FMNL2: variants seen among roughly 807,000 people sequenced by gnomAD.
FMNL2 encodes formin-like protein 2.
Under a neutral mutation model 130.2 loss-of-function variants are expected in FMNL2, and 51 were observed. That is an observed-to-expected ratio of 0.39 (90% CI 0.31 to 0.49). FMNL2 has a LOEUF of 0.49. FMNL2 is among the 20% of genes least tolerant of loss of function. The probability of loss-of-function intolerance (pLI) is 0.85; values close to 1 mark genes in which losing one functional copy is unlikely to be tolerated. For synonymous variants in FMNL2, 465 were observed against 467.1 expected, an observed-to-expected ratio of 1.00 and a Z score of 0.06; for missense variants, 977 against 1,316.2, an observed-to-expected ratio of 0.74 and a Z score of 3.99.
At chr2:152,540,276 C>T (rs1190926239) in intron 2 of FMNL2, among the ~76,000 whole-genome samples, 1 of 152,058 alleles carries the variant, frequency 6.6e-6, no homozygotes, top group Non-Finnish European at 1.5e-5. Flanking sequence ...TGGACTACTG[C>T]TAAATCCCCA....
At chr2:152,624,861 T>C (rs1580126337) in intron 15 of FMNL2, among the ~76,000 whole-genome samples, 1 of 152,256 alleles carries the variant, frequency 6.6e-6, no homozygotes, top group Admixed American at 6.5e-5. Flanking sequence ...AGGCCATTCA[T>C]ATCCCTTAGT....
chr2:152,487,077 C>A (rs1690870538), intron 1 of FMNL2, among the ~76,000 whole-genome samples: 1 of 152,104 alleles, frequency 6.6e-6, no homozygotes, highest in Non-Finnish European at 1.5e-5. Flanking sequence ...CTTCATATAC[C>A]ATGTTAGGCA....
intron 1 of FMNL2, among the ~76,000 whole-genome samples, chr2:152,477,399 G>A (rs1373481395): frequency 6.6e-6 from 1 of 152,104 alleles, no homozygotes; most frequent in Admixed American, 6.5e-5. Context: ...TGAGGATGTT[G>A]GAAATAAATG....
At chr2:152,631,657 A>G (rs1297398972) in intron 20 of FMNL2, among the ~76,000 whole-genome samples, 1 of 152,140 alleles carries the variant, frequency 6.6e-6, no homozygotes, top group African/African-American at 2.4e-5. Flanking sequence ...GGAATTTTCC[A>G]CTTAGTATTT....
chr2:152,621,102 G>C (rs1699225692), intron 15 of FMNL2: 1 of 985,304 alleles, frequency 1.0e-6, no homozygotes, highest in Non-Finnish European at 1.2e-6. Context: ...GTCAGTAACT[G>C]GGTGTGGAAA....
intron 9 of FMNL2, among the ~76,000 whole-genome samples, chr2:152,590,334 T>G (rs940789825): frequency 1.3e-5 from 2 of 152,068 alleles, no homozygotes; most frequent in Non-Finnish European, 2.9e-5. Flanking sequence ...ACCGTCTTAT[T>G]AAATAAGCAT....
intron 1 of FMNL2, among the ~76,000 whole-genome samples, chr2:152,482,443 C>T (rs918537667): frequency 6.6e-6 from 1 of 152,144 alleles, no homozygotes; most frequent in Non-Finnish European, 1.5e-5. Flanking sequence ...TAATAGGATG[C>T]ATTGAGTCTT....
chr2:152,336,652 C>G (rs1681474603), intron 1 of FMNL2, among the ~76,000 whole-genome samples: 1 of 152,146 alleles, frequency 6.6e-6, no homozygotes, highest in African/African-American at 2.4e-5. Flanking sequence ...GGCGGCTTGC[C>G]CCAGCCAGGA....
intron 9 of FMNL2, among the ~76,000 whole-genome samples, chr2:152,600,114 T>C (rs1274771538): frequency 1.3e-5 from 2 of 152,110 alleles, no homozygotes; most frequent in African/African-American, 4.8e-5. Context: ...AACTATGAAA[T>C]AACTGTTTAC....
intron 1 of FMNL2, among the ~76,000 whole-genome samples, chr2:152,468,290 T>C (rs1689665935): frequency 6.6e-6 from 1 of 152,222 alleles, no homozygotes; most frequent in Admixed American, 6.5e-5. Flanking sequence ...TGCCGTCCGA[T>C]ACAGGAACCA....
intron 1 of FMNL2, among the ~76,000 whole-genome samples, chr2:152,375,877 C>CTCTCTCTCTCTCTA (rs796954245): frequency 2.7e-4 from 30 of 112,486 alleles, no homozygotes; most frequent in Admixed American, 2.1e-3. Flanking sequence ...CTCTCTCTCT[C>CTCTCTCTCTCTCTA]TATATATATA....
chr2:152,484,926 A>G (rs1423525099), intron 1 of FMNL2, among the ~76,000 whole-genome samples: 1 of 152,212 alleles, frequency 6.6e-6, no homozygotes, highest in Non-Finnish European at 1.5e-5. Flanking sequence ...GTGTGTAGCA[A>G]TGTTCTTGGG....
intron 9 of FMNL2, among the ~76,000 whole-genome samples, chr2:152,594,727 A>G (rs1697660833): frequency 6.6e-6 from 1 of 152,282 alleles, no homozygotes; most frequent in Admixed American, 6.5e-5. Flanking sequence ...GTCCTACCCC[A>G]AACTGTTCTG....
At chr2:152,609,244 T>C (rs1698555876) in intron 10 of FMNL2, among the ~76,000 whole-genome samples, 1 of 152,272 alleles carries the variant, frequency 6.6e-6, no homozygotes, top group Admixed American at 6.5e-5. Context: ...ACAAGTTCTA[T>C]GTGCTAGATT....
intron 1 of FMNL2, among the ~76,000 whole-genome samples, chr2:152,451,701 A>T (rs1688661151): frequency 6.6e-6 from 1 of 152,010 alleles, no homozygotes; most frequent in Non-Finnish European, 1.5e-5. Context: ...CGGAGTCCAC[A>T]CTCTGAAACA....
At chr2:152,458,196 G>C (rs1232158600) in intron 1 of FMNL2, among the ~76,000 whole-genome samples, 1 of 152,178 alleles carries the variant, frequency 6.6e-6, no homozygotes, top group Admixed American at 6.5e-5. Flanking sequence ...TAACCCAGTT[G>C]AATGGGCCTC....
At chr2:152,589,987 A>ATATGTATGTATATATATATG (rs70974871) in intron 9 of FMNL2, among the ~76,000 whole-genome samples, 1 of 55,254 alleles carries the variant, frequency 1.8e-5, no homozygotes, top group Non-Finnish European at 3.4e-5. Flanking sequence ...ATATATATGT[A>ATATGTATGTATATATATATG]TATGTATATG....
intron 1 of FMNL2, among the ~76,000 whole-genome samples, chr2:152,381,215 C>T (rs747295809): frequency 6.6e-6 from 1 of 152,078 alleles, no homozygotes; most frequent in African/African-American, 2.4e-5. Flanking sequence ...ACTGGTATTA[C>T]CTAAGGTTTT....
At chr2:152,393,598 C>T (rs911796888) in intron 1 of FMNL2, among the ~76,000 whole-genome samples, 3 of 152,164 alleles carry the variant, frequency 2.0e-5, no homozygotes, top group African/African-American at 7.2e-5. Context: ...ATCTGATAGG[C>T]CAAAGAGAGT....
Sources: allele counts gnomAD v4.1 joint callset (sites outside exome capture counted in the v4.1 genomes callset), GRCh38; gene constraint gnomAD v4.1.1; transcripts MANE v1.5; gene names NCBI Gene and HGNC (gene_info 2026-07-23, HGNC 2026-07-21).